ARRB1: variants seen among roughly 807,000 people sequenced by gnomAD.
ARRB1 encodes the protein beta-arrestin-1.
A neutral mutation model predicts 56.8 loss-of-function variants in ARRB1; 21 were observed. The ratio of observed to expected loss-of-function variants is 0.37; its 90% confidence interval spans 0.26 to 0.53. The LOEUF (loss-of-function observed/expected upper bound fraction) is 0.53. Ranked by LOEUF, ARRB1 falls within the 20% of genes least tolerant of loss-of-function variation. The pLI is 0.88. For missense variants in ARRB1, 424 were observed against 553.7 expected (o/e 0.77, Z 2.35); for synonymous variants, 210 against 218.6 (o/e 0.96, Z 0.35).
chr11:75,289,606 G>A (rs1341577250), intron 2 of ARRB1, among the ~76,000 whole-genome samples: 1 of 152,200 alleles, frequency 6.6e-6, no homozygotes, highest in Non-Finnish European at 1.5e-5. Context: ...CAAGGAGAAA[G>A]CAAGGAAGCC....
intron 10 of ARRB1, among the ~76,000 whole-genome samples, chr11:75,276,164 G>T (rs1447510477): frequency 1.3e-5 from 2 of 151,948 alleles, no homozygotes; most frequent in Non-Finnish European, 2.9e-5. Context: ...ACATATACAT[G>T]TAAAATTATA....
chr11:75,311,410 G>C (rs563142653), intron 1 of ARRB1, among the ~76,000 whole-genome samples: 4 of 152,214 alleles, frequency 2.6e-5, no homozygotes, highest in Non-Finnish European at 5.9e-5. Context: ...TTCTTTCTGG[G>C]ATGGGCAGGG....
chr11:75,269,960 C>T (rs977602771), intron 13 of ARRB1, among the ~76,000 whole-genome samples: 3 of 152,238 alleles, frequency 2.0e-5, no homozygotes, highest in Admixed American at 2.0e-4. Flanking sequence ...AAGCCACATC[C>T]CACTGATCTT....
At chr11:75,267,530 C>T (rs1945952860) in intron 15 of ARRB1, 122 bp downstream of exon 15, 2 of 1,009,644 alleles carry the variant, frequency 2.0e-6, no homozygotes, top group South Asian at 1.5e-5. Flanking sequence ...AGAGGTGGCT[C>T]TCAGCAGACG....
intron 1 of ARRB1, among the ~76,000 whole-genome samples, chr11:75,329,019 A>C (rs1423991211): frequency 6.6e-6 from 1 of 151,608 alleles, no homozygotes; most frequent in Admixed American, 6.6e-5. Flanking sequence ...CAAATTGGTC[A>C]CTGCACCTCT....
chr11:75,333,472 G>A (rs373287700), intron 1 of ARRB1, among the ~76,000 whole-genome samples: 40 of 152,152 alleles, frequency 2.6e-4, no homozygotes, highest in African/African-American at 8.9e-4. Context: ...TTGCCACCAC[G>A]GAGCCCACAC....
chr11:75,267,827 G>T, intron 14 of ARRB1, 124 bp from the exon 15 acceptor site: 1 of 779,236 alleles, frequency 1.3e-6, no homozygotes, highest in Non-Finnish European at 2.1e-6. Context: ...GGATAAAGGG[G>T]AATGGAGATG....
chr11:75,343,460 C>T (rs1947719635), intron 1 of ARRB1, among the ~76,000 whole-genome samples: 2 of 152,154 alleles, frequency 1.3e-5, no homozygotes, highest in African/African-American at 4.8e-5. Flanking sequence ...GAGGCAGGGC[C>T]GGTGAGACGT....
At chr11:75,294,205 A>G (rs1043945479) in intron 1 of ARRB1, among the ~76,000 whole-genome samples, 3 of 152,258 alleles carry the variant, frequency 2.0e-5, no homozygotes, top group Middle Eastern at 3.4e-3. Flanking sequence ...CTGTAGAGTA[A>G]TGTTTTCCAA....
At chr11:75,312,061 C>A (rs1476670130) in intron 1 of ARRB1, 1 of 1,289,448 alleles carries the variant, frequency 7.8e-7, no homozygotes. Flanking sequence ...GTGCTGATCA[C>A]CTCAGCCTCT....
At chr11:75,334,728 GC>G (rs1371862192) in intron 1 of ARRB1, among the ~76,000 whole-genome samples, 1 of 152,190 alleles carries the variant, frequency 6.6e-6, no homozygotes, top group Admixed American at 6.5e-5. Flanking sequence ...GGTTCAGCCT[GC>G]CCCAGAACTG....
chr11:75,298,824 T>TATGTATGTATAG (rs560901329), intron 1 of ARRB1, among the ~76,000 whole-genome samples: 1,939 of 152,126 alleles, frequency 0.013, 36 homozygotes, highest in African/African-American at 0.042. Context: ...ATTCAGTCTA[T>TATGTATGTATAG]ACATACAATG....
At chr11:75,343,877 G>T (rs904938531) in intron 1 of ARRB1, among the ~76,000 whole-genome samples, 4 of 151,750 alleles carry the variant, frequency 2.6e-5, no homozygotes, top group Admixed American at 2.6e-4. Flanking sequence ...GTGCAGTGGC[G>T]TGATCTCGGC....
chr11:75,314,663 C>T (rs1174981053), intron 1 of ARRB1, among the ~76,000 whole-genome samples: 1 of 152,008 alleles, frequency 6.6e-6, no homozygotes, highest in Admixed American at 6.5e-5. Context: ...TGCAGTGGCA[C>T]CATCACAGCT....
At position 75,264,777 on chromosome 11, in the gene ARRB1, A is replaced by C. The variant is rs2140387482; in HGVS notation, c.*1386T>G. On this transcript the variant is annotated 3_prime_UTR_variant, in exon 16 of 16. Coordinates refer to ENST00000420843, the MANE Select transcript of ARRB1 (RefSeq NM_004041.5). ...AACTCCTTGCTTTCCCAAGTGAGAAACTGAGGCCCAGAGTGGGGAAGGAAC... is the reference window on the plus strand; with the variant it reads ...AACTCCTTGCTTTCCCAAGTGAGAACCTGAGGCCCAGAGTGGGGAAGGAAC... 6.6e-6 allele frequency: 1 copy of C among 152,396 alleles called. No individual in the cohort carries two copies. The highest frequency in any genetic ancestry group is 2.4e-5 in the African/African-American group (1 of 41,574). 9.4% of individuals were successfully genotyped at this position (152,396 alleles called of 1,614,324 possible).
At chr11:75,297,952 GT>G (rs35731045) in intron 1 of ARRB1, among the ~76,000 whole-genome samples, 73,600 of 146,832 alleles carry the variant, frequency 0.5, 19,986 homozygotes, top group African/African-American at 0.74. Context: ...AGCAGAAAAC[GT>G]TAAGTGTAAG....
chr11:75,286,253 ATCTTTTTTTT>A (rs1946469616), intron 3 of ARRB1, among the ~76,000 whole-genome samples: 1 of 92,826 alleles, frequency 1.1e-5, no homozygotes, highest in Non-Finnish European at 2.0e-5. Flanking sequence ...TGATTTGCTC[ATCTTTTTTTT>A]TTTTTTTTTT....
intron 1 of ARRB1, among the ~76,000 whole-genome samples, chr11:75,297,663 G>A (rs1256297941): frequency 3.3e-5 from 5 of 151,740 alleles, no homozygotes; most frequent in Non-Finnish European, 5.9e-5. Flanking sequence ...TCAGGAGTCC[G>A]AGACCAGCCT....
chr11:75,285,269 G>C (rs1001645859), intron 3 of ARRB1, among the ~76,000 whole-genome samples: 3 of 152,224 alleles, frequency 2.0e-5, no homozygotes, highest in African/African-American at 7.2e-5. Context: ...AAGCACTCGA[G>C]AGCACTCTGC....
Sources: allele counts gnomAD v4.1 joint callset (sites outside exome capture counted in the v4.1 genomes callset), GRCh38; gene constraint gnomAD v4.1.1; transcripts MANE v1.5; gene names NCBI Gene and HGNC (gene_info 2026-07-23, HGNC 2026-07-21).